The following SPPL3 variants were observed in gnomAD, a reference collection of about 807,000 sequenced individuals.
SPPL3 encodes signal peptide peptidase like 3.
SPPL3 carries 5 observed loss-of-function variants against 42.4 expected under a neutral mutation model. That is an observed-to-expected ratio of 0.12 (90% CI 0.06 to 0.25). SPPL3 has a LOEUF of 0.25. Ranked by LOEUF, SPPL3 falls within the 10% of genes least tolerant of loss-of-function variation. The pLI, the probability that SPPL3 is intolerant of heterozygous loss-of-function variation, is 1.00. For missense variants in SPPL3, 235 were observed against 489.0 expected, an observed-to-expected ratio of 0.48 and a Z score of 4.90; for synonymous variants, 195 against 181.8, an observed-to-expected ratio of 1.07 and a Z score of -0.58.
intron 2 of SPPL3, among the ~76,000 whole-genome samples, chr12:120,802,858 C>A (rs565276413): frequency 6.6e-6 from 1 of 152,294 alleles, no homozygotes; most frequent in African/African-American, 2.4e-5. Context: ...AGATGGTTAT[C>A]TAAACAACAA....
intron 1 of SPPL3, among the ~76,000 whole-genome samples, chr12:120,895,362 G>C (rs1208132861): frequency 1.3e-5 from 2 of 151,998 alleles, no homozygotes; most frequent in Non-Finnish European, 2.9e-5. Context: ...AGGAGGTAGA[G>C]GTTGCAGTGA....
intron 1 of SPPL3, among the ~76,000 whole-genome samples, chr12:120,896,076 T>C (rs531895129): frequency 1.9e-4 from 29 of 152,322 alleles, no homozygotes; most frequent in African/African-American, 6.7e-4. Context: ...TCACTATCCA[T>C]GCTGGAACTC....
At chr12:120,890,205 C>A (rs764234162) in intron 1 of SPPL3, among the ~76,000 whole-genome samples, 3 of 151,976 alleles carry the variant, frequency 2.0e-5, no homozygotes, top group Non-Finnish European at 2.9e-5. Flanking sequence ...GCCGAGATTG[C>A]GCCATAGCAC....
At chr12:120,793,186 C>T (rs1351380203) in intron 2 of SPPL3, among the ~76,000 whole-genome samples, 3 of 152,264 alleles carry the variant, frequency 2.0e-5, no homozygotes, top group African/African-American at 7.2e-5. Context: ...TGTTCAACAC[C>T]GTTAGTCATC....
intron 5 of SPPL3, among the ~76,000 whole-genome samples, chr12:120,783,311 C>T (rs959736398): frequency 6.6e-6 from 1 of 152,072 alleles, no homozygotes; most frequent in Non-Finnish European, 1.5e-5. Flanking sequence ...ATCTAGGCCA[C>T]CGAAGACCAA....
At chr12:120,894,292 C>T (rs1231968605) in intron 1 of SPPL3, among the ~76,000 whole-genome samples, 1 of 152,142 alleles carries the variant, frequency 6.6e-6, no homozygotes, top group African/African-American at 2.4e-5. Flanking sequence ...CCACTGCACT[C>T]CAGCCTGGGC....
intron 10 of SPPL3, 131 bp from the exon 11 acceptor site, chr12:120,765,201 A>C: frequency 2.8e-6 from 2 of 723,428 alleles, no homozygotes; most frequent in Non-Finnish European, 4.3e-6. Flanking sequence ...CTGGTCTCAA[A>C]CTCCTGGGCT....
intron 1 of SPPL3, among the ~76,000 whole-genome samples, chr12:120,842,553 C>T (rs1170673284): frequency 6.6e-6 from 1 of 152,038 alleles, no homozygotes; most frequent in Non-Finnish European, 1.5e-5. Flanking sequence ...TGTGTTTCTT[C>T]CAGCTCTAGA....
intron 1 of SPPL3, among the ~76,000 whole-genome samples, chr12:120,816,895 T>C (rs981047271): frequency 6.6e-6 from 1 of 152,208 alleles, no homozygotes; most frequent in African/African-American, 2.4e-5. Context: ...TAATTAGCTA[T>C]GTAATCCTCC....
At chr12:120,896,893 T>C (rs73222694) in intron 1 of SPPL3, among the ~76,000 whole-genome samples, 6,354 of 152,166 alleles carry the variant, frequency 0.042, 186 homozygotes, top group South Asian at 0.12. Context: ...ACATCAAAAA[T>C]AGATTATAGA....
chr12:120,844,296 C>T (rs1019300283), intron 1 of SPPL3, among the ~76,000 whole-genome samples: 2 of 152,142 alleles, frequency 1.3e-5, no homozygotes, highest in African/African-American at 4.8e-5. Flanking sequence ...TCTGTTTCCC[C>T]GTTATTAGCA....
chr12:120,796,113 C>T (rs148818068), intron 2 of SPPL3, among the ~76,000 whole-genome samples: 7 of 152,224 alleles, frequency 4.6e-5, no homozygotes, highest in Admixed American at 2.0e-4. Flanking sequence ...CAGTGGTTCA[C>T]GACTGTGATC....
chr12:120,898,304 TTTTTTTTTTTAAAA>T (rs1290502519), intron 1 of SPPL3, among the ~76,000 whole-genome samples: 3 of 105,682 alleles, frequency 2.8e-5, no homozygotes, highest in Admixed American at 2.4e-4. Context: ...CTGTTTTTTT[TTTTTTTTTTTAAAA>T]AAAAAAAAAA....
intron 1 of SPPL3, among the ~76,000 whole-genome samples, chr12:120,899,307 GC>G (rs1306547731): frequency 3.9e-5 from 6 of 152,138 alleles, no homozygotes; most frequent in African/African-American, 1.2e-4. Flanking sequence ...GTTACAAAAA[GC>G]CCTCTTTGAT....
chr12:120,890,942 G>T (rs1429891840), intron 1 of SPPL3, among the ~76,000 whole-genome samples: 1 of 152,168 alleles, frequency 6.6e-6, no homozygotes, highest in Non-Finnish European at 1.5e-5. Context: ...ACTAAAGGTT[G>T]ACTCATTATC....
At chr12:120,859,678 G>C (rs7315439) in intron 1 of SPPL3, among the ~76,000 whole-genome samples, 1 of 151,732 alleles carries the variant, frequency 6.6e-6, no homozygotes. Context: ...AGCTGGGGCC[G>C]GGTGCAGTGG....
At chr12:120,808,576 T>C (rs1317107075) in intron 2 of SPPL3, among the ~76,000 whole-genome samples, 1 of 152,252 alleles carries the variant, frequency 6.6e-6, no homozygotes, top group African/African-American at 2.4e-5. Flanking sequence ...TCTGGATATT[T>C]ATCTTGGTGA....
In SPPL3 at chr12:120,833,095, G is replaced by A. The variant is rs138054581; in HGVS notation, c.24-22209C>T. Among the ~76,000 whole-genome samples the A allele has an allele frequency of 4.9e-3, 750 of 152,214 alleles. 3 individuals carry two copies. Among genetic ancestry groups the A allele is most frequent in the Middle Eastern group, 0.027 (8 of 294 alleles). ...AGAGGAAGAAGAGATTGCTTCCATC[G>A]GAGAAGGTCAAATTAGCCCCTTCTG... On this transcript the variant is annotated intron_variant, in intron 1 of 10. Transcript: ENST00000353487.
At chr12:120,856,694 C>T (rs1446714251) in intron 1 of SPPL3, among the ~76,000 whole-genome samples, 1 of 151,848 alleles carries the variant, frequency 6.6e-6, no homozygotes, top group African/African-American at 2.4e-5. Context: ...TCTGCACCTA[C>T]AACAAAGCTA....
Sources: gnomAD v4.1 joint callset for allele counts (sites outside exome capture counted in the v4.1 genomes callset) on GRCh38, gnomAD v4.1.1 for gene constraint, MANE v1.5 for transcripts, NCBI Gene and HGNC (gene_info 2026-07-23, HGNC 2026-07-21) for gene names.